Variants in CTNNA3 observed in about 807,000 individuals in gnomAD.
The protein encoded by CTNNA3 is catenin alpha 3.
CTNNA3 carries 76 observed loss-of-function variants against 95.7 expected under a neutral mutation model. That is an observed-to-expected ratio of 0.79 (90% CI 0.66 to 0.96). CTNNA3 has a LOEUF of 0.96. Among genes scored for constraint, CTNNA3 ranks in the 40% least tolerant of loss-of-function variants. The probability of loss-of-function intolerance (pLI) is 0.00; values close to 1 mark genes in which losing one functional copy is unlikely to be tolerated. For synonymous variants in CTNNA3, 431 were observed against 374.4 expected (o/e 1.15, Z -1.74); for missense variants, 1,191 against 1,089.8 (o/e 1.09, Z -1.31).
At chr10:67,291,312 T>G (rs1345069675) in intron 5 of CTNNA3, among the ~76,000 whole-genome samples, 1 of 152,022 alleles carries the variant, frequency 6.6e-6, no homozygotes. Context: ...GTTAACAGTG[T>G]GATCTATGGT....
chr10:66,166,355 A>G (rs2085125726), intron 13 of CTNNA3, among the ~76,000 whole-genome samples: 1 of 151,874 alleles, frequency 6.6e-6, no homozygotes, highest in Non-Finnish European at 1.5e-5. Flanking sequence ...TTAGCAAGGC[A>G]TAGTGATGGG....
chr10:67,583,986 A>G (rs1842522396), intron 3 of CTNNA3, among the ~76,000 whole-genome samples: 1 of 152,014 alleles, frequency 6.6e-6, no homozygotes, highest in Non-Finnish European at 1.5e-5. Flanking sequence ...GTTTTTAGCT[A>G]CTTTGTGATG....
intron 1 of CTNNA3, among the ~76,000 whole-genome samples, chr10:67,691,098 C>T (rs1434301299): frequency 6.6e-5 from 10 of 152,200 alleles, no homozygotes; most frequent in Non-Finnish European, 1.2e-4. Flanking sequence ...TTCACTGTGT[C>T]GGCCGGGCTG....
At chr10:66,775,346 AT>A in intron 8 of CTNNA3, 97 bp downstream of exon 8, 1 of 784,634 alleles carries the variant, frequency 1.3e-6, no homozygotes. Context: ...TTCTAAATTA[AT>A]TTGAAAGGAA....
rs549392122 is a variant in CTNNA3 at position 66,608,662 on chromosome 10, A to C, written c.1374+13030T>G. On this transcript the variant is annotated intron_variant, in intron 10 of 17. Transcript: ENST00000433211. The stretch of plus-strand genomic sequence containing the variant: ...CCTGCAACCATCTGATCTTCAAAAA[A>C]AAACTGACAAAAAACAAGCAATGGG... Among the ~76,000 whole-genome samples the C allele has an allele frequency of 4.6e-5, 7 of 152,288 alleles. No homozygotes were observed. In the East Asian group the frequency reaches 1.4e-3, roughly 29 times the overall value.
chr10:67,106,061 C>T (rs1269901083), intron 7 of CTNNA3, among the ~76,000 whole-genome samples: 1 of 152,204 alleles, frequency 6.6e-6, no homozygotes, highest in Non-Finnish European at 1.5e-5. Flanking sequence ...CCTTGTTACA[C>T]TTCATCATTT....
intron 9 of CTNNA3, among the ~76,000 whole-genome samples, chr10:66,682,640 T>C (rs1433887703): frequency 2.2e-5 from 1 of 45,870 alleles, no homozygotes; most frequent in East Asian, 4.1e-4. Flanking sequence ...GAGGCTTTCT[T>C]TTTTTTTTTT....
chr10:66,433,011 G>C (rs1393533250), intron 11 of CTNNA3, among the ~76,000 whole-genome samples: 1 of 152,148 alleles, frequency 6.6e-6, no homozygotes, highest in Non-Finnish European at 1.5e-5. Flanking sequence ...GTATTCTATG[G>C]TGTATATGTG....
intron 12 of CTNNA3, among the ~76,000 whole-genome samples, chr10:66,280,830 T>C (rs1300616639): frequency 2.0e-5 from 3 of 151,072 alleles, no homozygotes; most frequent in Non-Finnish European, 4.4e-5. Flanking sequence ...TTAAAGGCAT[T>C]TTTTTTTTCT....
intron 7 of CTNNA3, among the ~76,000 whole-genome samples, chr10:66,942,028 G>A (rs954908105): frequency 6.6e-6 from 1 of 152,124 alleles, no homozygotes; most frequent in Admixed American, 6.6e-5. Flanking sequence ...TGCAGTTTTG[G>A]TTAGCCTGGT....
chr10:67,225,688 A>G (rs1168300168), intron 5 of CTNNA3, among the ~76,000 whole-genome samples: 1 of 152,088 alleles, frequency 6.6e-6, no homozygotes, highest in African/African-American at 2.4e-5. Flanking sequence ...GTACTACATC[A>G]AGGGAACACC....
At chr10:67,260,823 T>C (rs1280585413) in intron 5 of CTNNA3, among the ~76,000 whole-genome samples, 3 of 152,134 alleles carry the variant, frequency 2.0e-5, no homozygotes, top group African/African-American at 7.2e-5. Context: ...TAGCTGGGAT[T>C]ACAGGCATGT....
At chr10:67,514,582 C>T (rs1475811848) in intron 5 of CTNNA3, among the ~76,000 whole-genome samples, 1 of 151,850 alleles carries the variant, frequency 6.6e-6, no homozygotes, top group African/African-American at 2.4e-5. Flanking sequence ...TCCTCAATAC[C>T]AACTTTTATT....
chr10:66,541,874 C>T (rs975830171), intron 10 of CTNNA3, among the ~76,000 whole-genome samples: 31 of 151,926 alleles, frequency 2.0e-4, no homozygotes, highest in Non-Finnish European at 3.8e-4. Context: ...TTTTGCAATG[C>T]GTATTTAAAA....
intron 7 of CTNNA3, among the ~76,000 whole-genome samples, chr10:67,044,714 G>C (rs1854616775): frequency 1.3e-5 from 2 of 152,038 alleles, no homozygotes; most frequent in Admixed American, 1.3e-4. Context: ...AGAACTCTTA[G>C]GGATGTTATA....
intron 5 of CTNNA3, among the ~76,000 whole-genome samples, chr10:67,451,505 A>G (rs1245081231): frequency 6.6e-6 from 1 of 152,166 alleles, no homozygotes; most frequent in Non-Finnish European, 1.5e-5. Context: ...ATCCCAAAAG[A>G]TAAGTGAGCA....
chr10:65,932,879 T>C (rs2077276741), intron 17 of CTNNA3, among the ~76,000 whole-genome samples: 1 of 152,132 alleles, frequency 6.6e-6, no homozygotes, highest in Non-Finnish European at 1.5e-5. Context: ...TCCAGAAACA[T>C]GTGCCAAATG....
intron 14 of CTNNA3, among the ~76,000 whole-genome samples, chr10:66,075,802 T>A (rs2080539888): frequency 6.6e-6 from 1 of 151,734 alleles, no homozygotes; most frequent in Non-Finnish European, 1.5e-5. Context: ...GATGTTTCAG[T>A]CCATGTGTCT....
At chr10:67,186,666 A>G (rs1257708806) in intron 6 of CTNNA3, among the ~76,000 whole-genome samples, 1 of 152,214 alleles carries the variant, frequency 6.6e-6, no homozygotes, top group African/African-American at 2.4e-5. Flanking sequence ...CCGATGCACA[A>G]TAGCTATGTT....
Sources: allele counts gnomAD v4.1 joint callset (sites outside exome capture counted in the v4.1 genomes callset), GRCh38; gene constraint gnomAD v4.1.1; transcripts MANE v1.5; gene names NCBI Gene and HGNC (gene_info 2026-07-23, HGNC 2026-07-21).